The following PCDHAC1 variants were observed in gnomAD, a reference collection of about 807,000 sequenced individuals.
The protein encoded by PCDHAC1 is protocadherin alpha subfamily C, 1.
A neutral mutation model predicts 60.0 loss-of-function variants in PCDHAC1; 42 were observed. That is an observed-to-expected ratio of 0.70 (90% CI 0.55 to 0.90). PCDHAC1 has a LOEUF of 0.90. Ranked by LOEUF, PCDHAC1 falls within the 40% of genes least tolerant of loss-of-function variation. The pLI is 0.00. For synonymous variants in PCDHAC1, 468 were observed against 499.3 expected, an observed-to-expected ratio of 0.94 and a Z score of 0.84; for missense variants, 1,160 against 1,222.3, an observed-to-expected ratio of 0.95 and a Z score of 0.76.
chr5:140,992,822 T>G (rs560336634), intron 3 of PCDHAC1, among the ~76,000 whole-genome samples: 6 of 152,240 alleles, frequency 3.9e-5, no homozygotes, highest in Admixed American at 3.3e-4. Flanking sequence ...GATGTGTTTG[T>G]TTTTTGGGAA....
chr5:140,944,191 G>C (rs181232402), intron 1 of PCDHAC1, among the ~76,000 whole-genome samples: 1 of 151,980 alleles, frequency 6.6e-6, no homozygotes, highest in East Asian at 1.9e-4. Context: ...GGTTTGTTTT[G>C]TTTTGTTTTG....
intron 3 of PCDHAC1, among the ~76,000 whole-genome samples, chr5:141,002,021 C>T (rs1177146388): frequency 6.6e-6 from 1 of 152,184 alleles, no homozygotes; most frequent in Non-Finnish European, 1.5e-5. Context: ...GCACAGCCTT[C>T]GGTGCCCTGA....
At chr5:140,969,317 G>C in intron 1 of PCDHAC1, 1 of 1,614,156 alleles carries the variant, frequency 6.2e-7, no homozygotes, top group African/African-American at 1.3e-5. Context: ...AAATGAGGCT[G>C]TTTCTCAAAA....
intron 1 of PCDHAC1, among the ~76,000 whole-genome samples, chr5:140,954,167 CT>C (rs1366012595): frequency 2.6e-5 from 4 of 152,212 alleles, no homozygotes; most frequent in African/African-American, 9.6e-5. Context: ...ACCACATTTT[CT>C]TTATCCAGTC....
chr5:140,975,623 A>G (rs2096675265), intron 1 of PCDHAC1, among the ~76,000 whole-genome samples: 1 of 152,244 alleles, frequency 6.6e-6, no homozygotes, highest in Admixed American at 6.5e-5. Flanking sequence ...ATGGATTTCC[A>G]TGGTACGAAG....
chr5:140,994,052 C>T (rs2097593082), intron 3 of PCDHAC1, among the ~76,000 whole-genome samples: 1 of 152,134 alleles, frequency 6.6e-6, no homozygotes, highest in African/African-American at 2.4e-5. Context: ...CAGTCCTGCC[C>T]TTATAAATCT....
chr5:140,999,985 G>T (rs1451778210), intron 3 of PCDHAC1, among the ~76,000 whole-genome samples: 1 of 152,022 alleles, frequency 6.6e-6, no homozygotes, highest in African/African-American at 2.4e-5. Context: ...AGCGGCCTCT[G>T]GGTAGTGGTA....
rs182063339 is a variant in PCDHAC1 at position 140,937,439 on chromosome 5, T to C, written c.2433+8114T>C. Among the ~76,000 whole-genome samples, 830 of 152,312 alleles carry C rather than the reference T, an allele frequency of 5.4e-3. 3 individuals are homozygous for C. The highest frequency in any genetic ancestry group is 0.019 in the African/African-American group (799 of 41,586). Reference sequence around the variant, plus strand: ...TAGATAGCTGATATTTTAATGCTATTTTAAAAGTTTAATTTTATAATACAA... The same window carrying C: ...TAGATAGCTGATATTTTAATGCTATCTTAAAAGTTTAATTTTATAATACAA... On this transcript the variant is annotated intron_variant, in intron 1 of 3. Coordinates refer to ENST00000253807, the MANE Select transcript of PCDHAC1 (RefSeq NM_018898.5).
rs147537783 is a variant in PCDHAC1 at position 140,982,491 on chromosome 5, G to C, written c.2509G>C (p.Glu837Gln). 1 of 1,614,076 alleles carries C rather than the reference G, an allele frequency of 6.2e-7. No individual in the cohort carries two copies. Among genetic ancestry groups the C allele is most frequent in the African/African-American group, 1.3e-5 (1 of 74,924 alleles). The change falls in exon 3 of 4, where the codon GAG becomes CAG. Residue 837 changes from glutamate to glutamine, a missense_variant. Physicochemically the swap from Glu to Gln is conservative, Grantham distance 29. Around this residue, in one of 3 missense-constraint regions of PCDHAC1, gnomAD observed 1,113 missense variants for 1,163.7 expected, o/e 0.96. Coordinates refer to ENST00000253807, the MANE Select transcript of PCDHAC1 (RefSeq NM_018898.5). ...TTTATTCAGCTCTGTGCACCTAGAG[G>C]AGGCTGGCATTCTACGGGCTGGTCC... is the stretch of plus-strand genomic sequence containing the variant. ...AGMHSSVHLE[E>Q]AGILRAGPGG...
intron 1 of PCDHAC1, among the ~76,000 whole-genome samples, chr5:140,945,500 T>A (rs2093799104): frequency 6.6e-6 from 1 of 152,046 alleles, no homozygotes; most frequent in South Asian, 2.1e-4. Flanking sequence ...CAAAGCAATA[T>A]TGAGCAAAGT....
chr5:140,942,669 A>G (rs2093352340), intron 1 of PCDHAC1, among the ~76,000 whole-genome samples: 1 of 152,212 alleles, frequency 6.6e-6, no homozygotes, highest in South Asian at 2.1e-4. Flanking sequence ...AATAAGCACA[A>G]AAGTTTTAGG....
At position 140,967,566 on chromosome 5, in the gene PCDHAC1, G is replaced by T. The variant is rs1586227015; in HGVS notation, c.2434-11383G>T. The stretch of plus-strand genomic sequence containing the variant: ...CAGTCCACTTATCGCGTCCAGCTAC[G>T]GGAGGACTCACCCCCAGGCACATTG... On this transcript the variant is annotated intron_variant, in intron 1 of 3. Coordinates refer to ENST00000253807, the MANE Select transcript of PCDHAC1 (RefSeq NM_018898.5). 6 of 1,614,060 alleles carry T rather than the reference G, an allele frequency of 3.7e-6. No homozygotes were observed. In the East Asian group the frequency reaches 1.3e-4, roughly 36 times the overall value.
chr5:140,992,845 C>T (rs2097530741), intron 3 of PCDHAC1, among the ~76,000 whole-genome samples: 1 of 152,148 alleles, frequency 6.6e-6, no homozygotes, highest in African/African-American at 2.4e-5. Context: ...TTTTGTATAA[C>T]AACCAGTTTC....
chr5:140,975,630 G>A (rs182087841), intron 1 of PCDHAC1, among the ~76,000 whole-genome samples: 16 of 152,316 alleles, frequency 1.1e-4, no homozygotes, highest in Admixed American at 3.3e-4. Flanking sequence ...TCCATGGTAC[G>A]AAGATAGCAT....
intron 3 of PCDHAC1, among the ~76,000 whole-genome samples, chr5:140,990,137 G>C (rs548002411): frequency 2.0e-4 from 31 of 152,224 alleles, no homozygotes; most frequent in African/African-American, 7.2e-4. Context: ...TCAGACTCAA[G>C]AGGCATAATA....
At chr5:140,987,322 T>G (rs1160600975) in intron 3 of PCDHAC1, among the ~76,000 whole-genome samples, 3 of 152,200 alleles carry the variant, frequency 2.0e-5, no homozygotes, top group Non-Finnish European at 4.4e-5. Flanking sequence ...CTGTGAAGTT[T>G]TAAGAACTGG....
chr5:140,948,637 T>C (rs2094284946), intron 1 of PCDHAC1, among the ~76,000 whole-genome samples: 1 of 151,712 alleles, frequency 6.6e-6, no homozygotes, highest in Non-Finnish European at 1.5e-5. Context: ...TATTCTCTCA[T>C]CTTTTAACGT....
rs139167552 is a variant in PCDHAC1, at chr5:140,939,382, C to T, written c.2433+10057C>T. On this transcript the variant is annotated intron_variant, in intron 1 of 3. Coordinates refer to ENST00000253807, the MANE Select transcript of PCDHAC1 (RefSeq NM_018898.5). ...CAAAGGAGGAGGGAACACAAACATT[C>T]AGATCATAGCAAGTTTGTGTAAATC... 3.9e-5 allele frequency among the ~76,000 whole-genome samples: 6 copies of T among 152,258 alleles called. No homozygotes were observed. The East Asian group carries it at 1.2e-3, about 29-fold the overall frequency.
chr5:140,959,834 G>A (rs1223310946), intron 1 of PCDHAC1, among the ~76,000 whole-genome samples: 1 of 152,144 alleles, frequency 6.6e-6, no homozygotes, highest in African/African-American at 2.4e-5. Context: ...AATGTATTAT[G>A]CCTGTAACTG....
Sources: allele counts gnomAD v4.1 joint callset (sites outside exome capture counted in the v4.1 genomes callset), GRCh38; gene constraint gnomAD v4.1.1; regional missense constraint gnomAD v4.1.1; transcripts MANE v1.5; gene names NCBI Gene and HGNC (gene_info 2026-07-23, HGNC 2026-07-21).